Variants in PDE6G observed in about 807,000 individuals in gnomAD.
The protein encoded by PDE6G is rod cGMP 3',5'-cyclic phosphodiesterase subunit gamma.
A neutral mutation model predicts 10.9 loss-of-function variants in PDE6G; 10 were observed. The ratio of observed to expected loss-of-function variants is 0.91; its 90% CI spans 0.56 to 1.55. PDE6G has a LOEUF of 1.55. Among genes scored for constraint, PDE6G ranks in the 40% most tolerant of loss-of-function variants. The pLI, the probability that PDE6G is intolerant of heterozygous loss-of-function variation, is 0.00. For missense variants in PDE6G, 102 were observed against 110.1 expected (o/e 0.93, Z 0.33); for synonymous variants, 41 against 42.8 (o/e 0.96, Z 0.16).
chr17:81,660,812 C>T (rs577545466), upstream of PDE6G, among the ~76,000 whole-genome samples: 1 of 152,292 alleles, frequency 6.6e-6, no homozygotes, highest in East Asian at 1.9e-4. Context: ...AGTTTTTTGC[C>T]ATGGCTTTTC....
chr17:81,653,606 G>T lies in PDE6G; in HGVS notation c.-59-242C>A. On this transcript the variant is annotated intron_variant, in intron 1 of 3. Transcript: ENST00000331056. This position sits in a 1 kb window ranked among gnomAD's most constrained non-coding sequence, Gnocchi z 5.2. ...GCAACGCTGGCCACACACAGCTCCG[G>T]ACTCCCCCCTGTCCTGGCCTCCCTC... The T allele has an allele frequency of 2.2e-6, 1 of 458,846 alleles. No individual in the cohort carries two copies. Among genetic ancestry groups the T allele is most frequent in the South Asian group, 2.1e-5 (1 of 47,318 alleles). 28.4% of individuals were successfully genotyped at this position (458,846 alleles called of 1,614,324 possible).
At chr17:81,654,379 CTT>C (rs11431043) in intron 1 of PDE6G, among the ~76,000 whole-genome samples, 15 of 128,392 alleles carry the variant, frequency 1.2e-4, no homozygotes, top group Admixed American at 1.6e-4. Context: ...CCCTCTGATT[CTT>C]TTTTTTTTTT....
chr17:81,650,906 TC>T lies in PDE6G; in HGVS notation c.*167del, dbSNP rs58894371. On this transcript the variant is annotated 3_prime_UTR_variant, in exon 4 of 4. Transcript: ENST00000331056. Reference sequence around the variant, plus strand: ...GGCATCCTAGAGGGAGGTGGTGGGCTCCTGGTGACTGGTATTAATATGTAGG... The same window carrying T: ...GGCATCCTAGAGGGAGGTGGTGGGCTCTGGTGACTGGTATTAATATGTAGG... 31,872 of 686,428 alleles carry T rather than the reference TC, an allele frequency of 0.046. 1,638 individuals carry two copies. Among genetic ancestry groups the T allele is most frequent in the East Asian group, 0.24 (8,671 of 35,572 alleles). The allele number at this position is 686,428 out of a possible 1,614,324, so 42.5% of individuals were successfully genotyped here.
chr17:81,661,921 C>T (rs2036515989), intron 1 of PDE6G, among the ~76,000 whole-genome samples: 2 of 149,630 alleles, frequency 1.3e-5, no homozygotes, highest in African/African-American at 2.5e-5. Context: ...ATCCTAGGTA[C>T]TCGGGAGGTT....
Position 81,653,371 on chromosome 17 carries a change from G to A in PDE6G, c.-59-7C>T, listed in dbSNP as rs1381329661. Reference sequence around the variant, plus strand: ...GACTCCCTCCTGCTGCGGTCTGGGGGCAGACCAGGCCCGGGTCCCAGTCAG... The same window carrying A: ...GACTCCCTCCTGCTGCGGTCTGGGGACAGACCAGGCCCGGGTCCCAGTCAG... On this transcript the variant is annotated splice_region_variant and splice_polypyrimidine_tract_variant and intron_variant, in intron 1 of 3. Transcript: ENST00000331056. The surrounding 1 kb of genome is among the most constrained non-coding windows in gnomAD (Gnocchi z 5.2). The A allele has an allele frequency of 6.4e-6, 10 of 1,573,688 alleles. No homozygotes were observed. Among genetic ancestry groups the A allele is most frequent in the Middle Eastern group, 2.0e-4 (1 of 4,918 alleles).
At chr17:81,658,875 A>G (rs924906283), upstream of PDE6G, among the ~76,000 whole-genome samples, 3 of 152,110 alleles carry the variant, frequency 2.0e-5, no homozygotes, top group Admixed American at 1.3e-4. Flanking sequence ...GTAAAATAAA[A>G]TAAAATGTAT....
Position 81,651,154 on chromosome 17 carries a change from T to C in PDE6G, c.188-4A>G, listed in dbSNP as rs1321064061. Reference sequence around the variant, plus strand: ...CAAGGGCAGATGACTGTGATGTCTGTGGGAGAAACGGGCCACGGATCAGAG... The same window carrying C: ...CAAGGGCAGATGACTGTGATGTCTGCGGGAGAAACGGGCCACGGATCAGAG... On this transcript the variant is annotated splice_region_variant and splice_polypyrimidine_tract_variant and intron_variant, in intron 3 of 3. Coordinates refer to ENST00000331056, the MANE Select transcript of PDE6G (RefSeq NM_002602.4). This position sits in a 1 kb window ranked among gnomAD's most constrained non-coding sequence, Gnocchi z 4.8. 1 of 1,611,294 alleles carries C rather than the reference T, an allele frequency of 6.2e-7. No homozygotes were observed.
chr17:81,652,041 G>A (rs948436209), intron 2 of PDE6G, among the ~76,000 whole-genome samples: 4 of 152,190 alleles, frequency 2.6e-5, no homozygotes, highest in African/African-American at 7.2e-5. Context: ...TGTGCCTCAC[G>A]TGCATATGTG....
chr17:81,660,773 T>C (rs1011989211), upstream of PDE6G, among the ~76,000 whole-genome samples: 1 of 152,176 alleles, frequency 6.6e-6, no homozygotes, highest in African/African-American at 2.4e-5. Context: ...ATTACAGGCG[T>C]GAGCTGCCGT....
At chr17:81,661,104 T>A (rs1029766215), upstream of PDE6G, among the ~76,000 whole-genome samples, 1 of 152,208 alleles carries the variant, frequency 6.6e-6, no homozygotes, top group Admixed American at 6.5e-5. Flanking sequence ...AATTGTTTTG[T>A]AGGCTGGGCA....
At chr17:81,659,824 C>T (rs895910144), upstream of PDE6G, among the ~76,000 whole-genome samples, 6 of 152,106 alleles carry the variant, frequency 3.9e-5, no homozygotes, top group African/African-American at 7.2e-5. Flanking sequence ...CATTGGCTCA[C>T]GTCTGTAATC....
intron 1 of PDE6G, among the ~76,000 whole-genome samples, chr17:81,656,146 A>T (rs1361752419): frequency 1.3e-5 from 2 of 152,116 alleles, no homozygotes; most frequent in Non-Finnish European, 2.9e-5. Context: ...AGCTCCAACC[A>T]TCAGATGCCA....
chr17:81,656,454 T>C (rs2036447657), intron 1 of PDE6G, 39 bp downstream of exon 1: 2 of 743,576 alleles, frequency 2.7e-6, no homozygotes, highest in South Asian at 2.8e-5. Context: ...CTGGGGGAAG[T>C]GGCTGCCAGG....
At chr17:81,661,952 T>C (rs34222919) in intron 1 of PDE6G, among the ~76,000 whole-genome samples, 2 of 148,876 alleles carry the variant, frequency 1.3e-5, no homozygotes, top group East Asian at 2.0e-4. Context: ...AATCACTTAA[T>C]CCCGGGAGGC....
intron 1 of PDE6G, among the ~76,000 whole-genome samples, chr17:81,654,200 G>A (rs2144404023): frequency 6.6e-6 from 1 of 152,206 alleles, no homozygotes; most frequent in Non-Finnish European, 1.5e-5. Context: ...CCTCTGAGCT[G>A]CCCTTCCTGA....
In PDE6G at chr17:81,653,615, C is replaced by A. The variant is rs2036403148; in HGVS notation, c.-59-251G>T. ...GCCACACACAGCTCCGGACTCCCCC[C>A]TGTCCTGGCCTCCCTCGCCCCGGCC... On this transcript the variant is annotated intron_variant, in intron 1 of 3. Transcript: ENST00000331056. This position sits in a 1 kb window ranked among gnomAD's most constrained non-coding sequence, Gnocchi z 5.2. 4.6e-6 allele frequency: 2 copies of A among 431,736 alleles called. No individual in the cohort carries two copies. The highest frequency in any genetic ancestry group is 2.0e-5 in the African/African-American group (1 of 50,014). The allele number at this position is 431,736 out of a possible 1,614,324, so 26.7% of individuals were successfully genotyped here. A position where few individuals can be genotyped will look rare whatever the true frequency, so the allele number is the denominator to read the frequency against.
At chr17:81,662,063 C>T (rs529701190) in intron 1 of PDE6G, among the ~76,000 whole-genome samples, 3 of 151,988 alleles carry the variant, frequency 2.0e-5, no homozygotes, top group East Asian at 3.9e-4. Context: ...CTACCTATGA[C>T]CTGGAAGCCC....
Position 81,650,762 on chromosome 17 carries a change from C to T in PDE6G, c.*312G>A. ...ATCTGGGGTCCAGCAGGCTCCCGGG[C>T]TGGGGTCCACTTCCCGTTCTCCCTG... On this transcript the variant is annotated 3_prime_UTR_variant, in exon 4 of 4. Transcript: ENST00000331056. 1 of 490,108 alleles carries T rather than the reference C, an allele frequency of 2.0e-6. No homozygotes were observed. The highest frequency in any genetic ancestry group is 4.0e-6 in the Non-Finnish European group (1 of 249,834). 30.4% of individuals were successfully genotyped at this position (490,108 alleles called of 1,614,324 possible).
upstream of PDE6G, among the ~76,000 whole-genome samples, chr17:81,660,903 T>G (rs1475728731): frequency 1.3e-5 from 2 of 152,190 alleles, no homozygotes; most frequent in African/African-American, 4.8e-5. Context: ...CATGTTGAAC[T>G]ATGAATATGA....
Sources: allele counts gnomAD v4.1 joint callset (sites outside exome capture counted in the v4.1 genomes callset), GRCh38; gene constraint gnomAD v4.1.1; non-coding constraint Gnocchi (gnomAD v3.1); transcripts MANE v1.5; gene names NCBI Gene and HGNC (gene_info 2026-07-23, HGNC 2026-07-21).